The following GALNT16 variants were observed in gnomAD, a reference collection of about 807,000 sequenced individuals.
GALNT16 encodes the protein UDP-GalNAc:polypeptide N-acetylgalactosaminyltransferase-like protein 1.
In GALNT16, 40 loss-of-function variants were observed where a neutral mutation model predicts 76.1. The observed-to-expected ratio is 0.53, with a 90% CI of 0.41 to 0.68. The LOEUF is 0.68. Among genes scored for constraint, GALNT16 ranks in the 30% least tolerant of loss-of-function variants. The probability of loss-of-function intolerance (pLI) is 0.00; values close to 1 mark genes in which losing one functional copy is unlikely to be tolerated. For missense variants in GALNT16, 621 were observed against 731.9 expected (o/e 0.85, Z 1.75); for synonymous variants, 276 against 285.2 (o/e 0.97, Z 0.32).
At chr14:69,268,770 G>T (rs1332520526) in intron 1 of GALNT16, among the ~76,000 whole-genome samples, 1 of 152,226 alleles carries the variant, frequency 6.6e-6, no homozygotes, top group Non-Finnish European at 1.5e-5. Flanking sequence ...GAAAAGGATG[G>T]CCAGGAAAGG....
chr14:69,318,713 A>G (rs1291005705), intron 1 of GALNT16, among the ~76,000 whole-genome samples: 1 of 152,230 alleles, frequency 6.6e-6, no homozygotes, highest in Non-Finnish European at 1.5e-5. Context: ...CTGGAGGATA[A>G]CGAAGTGCAT....
chr14:69,269,696 T>C (rs1183039410), intron 1 of GALNT16, among the ~76,000 whole-genome samples: 1 of 149,590 alleles, frequency 6.7e-6, no homozygotes, highest in Non-Finnish European at 1.5e-5. Context: ...GTGGGGTTTG[T>C]GTGTATGTAG....
chr14:69,277,427 A>G (rs890025864), intron 1 of GALNT16, among the ~76,000 whole-genome samples: 1 of 152,050 alleles, frequency 6.6e-6, no homozygotes, highest in Non-Finnish European at 1.5e-5. Context: ...CCTGTGTCCA[A>G]GTGTTCTCAT....
At chr14:69,276,127 T>C (rs151000500) in intron 1 of GALNT16, among the ~76,000 whole-genome samples, 84 of 152,190 alleles carry the variant, frequency 5.5e-4, no homozygotes, top group Non-Finnish European at 1.0e-3. Context: ...TTACCTCCCA[T>C]TGGGTCCCTC....
chr14:69,308,222 T>A (rs560597798), intron 1 of GALNT16, among the ~76,000 whole-genome samples: 15 of 151,386 alleles, frequency 9.9e-5, no homozygotes, highest in Non-Finnish European at 1.2e-4. Flanking sequence ...AGCTCAATCC[T>A]TTTATCTTAG....
In GALNT16 at chr14:69,324,742, T is replaced by C. The variant is rs576303620; in HGVS notation, c.386T>C (p.Ile129Thr). 4 of 1,613,242 alleles carry C rather than the reference T, an allele frequency of 2.5e-6. No homozygotes were observed. The highest frequency in any genetic ancestry group is 2.7e-5 in the African/African-American group (2 of 75,016). ...SSDLPATSVI[I>T]TFHNEARSTL... is the part of the protein sequence containing the mutation. ...GACCTGCCAGCCACCAGCGTCATCA[T>C]CACCTTCCACAATGAGGCCCGTTCC... The change falls in exon 3 of 15, where the codon ATC becomes ACC. Residue 129 changes from isoleucine to threonine, a missense_variant. Ile to Thr is a moderately conservative substitution (Grantham distance 89). Coordinates refer to ENST00000448469, the MANE Select transcript of GALNT16 (RefSeq NM_001168368.2).
At chr14:69,362,561 T>C in the GALNT16 span, among the ~76,000 whole-genome samples, 1 of 152,270 alleles carries the variant, frequency 6.6e-6, no homozygotes, top group Non-Finnish European at 1.5e-5. Context: ...GAACAATTGC[T>C]GTAGCTCTGG....
At chr14:69,264,633 G>A (rs958256514) in intron 1 of GALNT16, among the ~76,000 whole-genome samples, 7 of 152,040 alleles carry the variant, frequency 4.6e-5, no homozygotes, top group Non-Finnish European at 1.0e-4. Flanking sequence ...TTTTGGAACT[G>A]TGGGAATATG....
At chr14:69,379,425 A>G in the GALNT16 span, among the ~76,000 whole-genome samples, 1 of 151,976 alleles carries the variant, frequency 6.6e-6, no homozygotes, top group Admixed American at 6.6e-5. Flanking sequence ...GTCTTGCATA[A>G]AACAACAAAA....
chr14:69,348,125 G>A (rs750316304), intron 14 of GALNT16, 123 bp downstream of exon 14: 13 of 939,644 alleles, frequency 1.4e-5, no homozygotes, highest in Non-Finnish European at 8.3e-6. Context: ...AGGATCTGTG[G>A]GGAGGGGGAG....
intron 1 of GALNT16, among the ~76,000 whole-genome samples, chr14:69,301,947 C>G (rs538382988): frequency 6.6e-6 from 1 of 152,244 alleles, no homozygotes; most frequent in East Asian, 1.9e-4. Context: ...CGAGATGGCG[C>G]CAGCTTGGGT....
chr14:69,269,702 T>C (rs931734643), intron 1 of GALNT16, among the ~76,000 whole-genome samples: 37 of 150,508 alleles, frequency 2.5e-4, no homozygotes, highest in Admixed American at 2.3e-3. Flanking sequence ...TTTGTGTGTA[T>C]GTAGTGTGTG....
the GALNT16 span, among the ~76,000 whole-genome samples, chr14:69,375,562 A>G: frequency 6.6e-6 from 1 of 152,194 alleles, no homozygotes; most frequent in African/African-American, 2.4e-5. Flanking sequence ...CTCCAACCGC[A>G]GGTTTCCACA....
At chr14:69,284,502 C>T (rs183684283) in intron 1 of GALNT16, among the ~76,000 whole-genome samples, 78 of 152,288 alleles carry the variant, frequency 5.1e-4, no homozygotes, top group Non-Finnish European at 9.4e-4. Flanking sequence ...ATAATGCTCC[C>T]GGGTGGAAAA....
intron 1 of GALNT16, among the ~76,000 whole-genome samples, chr14:69,294,152 C>T (rs899346863): frequency 2.0e-5 from 3 of 151,654 alleles, no homozygotes; most frequent in Non-Finnish European, 4.4e-5. Context: ...CCTCCCATCT[C>T]GCTCTGTCAC....
At chr14:69,266,024 C>T (rs915089758) in intron 1 of GALNT16, among the ~76,000 whole-genome samples, 1 of 152,292 alleles carries the variant, frequency 6.6e-6, no homozygotes. Flanking sequence ...AGTTCTCATA[C>T]GAGTAAACAC....
the GALNT16 span, among the ~76,000 whole-genome samples, chr14:69,370,218 C>T: frequency 6.6e-6 from 1 of 152,228 alleles, no homozygotes; most frequent in Non-Finnish European, 1.5e-5. Context: ...AGAACACCAG[C>T]CTGACATAGC....
intron 1 of GALNT16, among the ~76,000 whole-genome samples, chr14:69,265,363 C>T (rs1041245907): frequency 2.6e-5 from 4 of 152,204 alleles, no homozygotes; most frequent in Admixed American, 2.0e-4. Context: ...AATTTACCCC[C>T]GAGCTGCTCC....
the GALNT16 span, among the ~76,000 whole-genome samples, chr14:69,367,683 T>C: frequency 7.7e-6 from 1 of 130,550 alleles, no homozygotes; most frequent in Non-Finnish European, 1.6e-5. Flanking sequence ...GAAAAAGAAT[T>C]CCATACAGGA....
Sources: gnomAD v4.1 joint callset for allele counts (sites outside exome capture counted in the v4.1 genomes callset) on GRCh38, gnomAD v4.1.1 for gene constraint, MANE v1.5 for transcripts, NCBI Gene and HGNC (gene_info 2026-07-23, HGNC 2026-07-21) for gene names.